PCDHA8: variants seen among roughly 807,000 people sequenced by gnomAD.
PCDHA8 encodes protocadherin alpha 8.
PCDHA8 carries 53 observed loss-of-function variants against 61.8 expected under a neutral mutation model. The ratio of observed to expected loss-of-function variants is 0.86; its 90% CI spans 0.69 to 1.08. PCDHA8 has a LOEUF of 1.08. Ranked by LOEUF, PCDHA8 falls within the 50% of genes least tolerant of loss-of-function variation. PCDHA8 has a pLI of 0.00. For missense variants in PCDHA8, 1,293 were observed against 1,245.0 expected (o/e 1.04, Z -0.58); for synonymous variants, 618 against 556.6 (o/e 1.11, Z -1.55).
At chr5:140,877,585 T>A (rs2057227188) in intron 1 of PCDHA8, 1 of 1,613,836 alleles carries the variant, frequency 6.2e-7, no homozygotes, top group Non-Finnish European at 8.5e-7. Flanking sequence ...CATCGCCATC[T>A]GTGCGGTGTC....
At chr5:140,966,838 G>A in intron 1 of PCDHA8, 1 of 1,566,774 alleles carries the variant, frequency 6.4e-7, no homozygotes, top group South Asian at 1.2e-5. Context: ...CCTGGCTGCT[G>A]CTACTGCCTC....
chr5:140,852,885 A>ATT, intron 1 of PCDHA8: 58 of 777,210 alleles, frequency 7.5e-5, no homozygotes, highest in Non-Finnish European at 8.7e-5. Flanking sequence ...CATAAAACGT[A>ATT]TTTTTTTTTT....
intron 3 of PCDHA8, among the ~76,000 whole-genome samples, chr5:140,992,572 G>T (rs1441448703): frequency 2.0e-5 from 3 of 152,148 alleles, no homozygotes; most frequent in Non-Finnish European, 4.4e-5. Flanking sequence ...AACACATATT[G>T]CCTGCCTTGT....
At chr5:140,846,148 T>A (rs1780222185) in intron 1 of PCDHA8, among the ~76,000 whole-genome samples, 1 of 149,706 alleles carries the variant, frequency 6.7e-6, no homozygotes, top group South Asian at 2.1e-4. Flanking sequence ...TATTTAAAAG[T>A]TGCCTGAGAT....
At position 140,876,499 on chromosome 5, in the gene PCDHA8, G is replaced by A. The variant is rs781995151; in HGVS notation, c.2394+32784G>A. ...CATGGTCCTGGTGGAAGTTCTGGAC[G>A]TGAATGACAATGTCCCTGAAGTAAT... On this transcript the variant is annotated intron_variant, in intron 1 of 3. Transcript: ENST00000531613. 5.0e-6 allele frequency: 8 copies of A among 1,613,910 alleles called. No homozygotes were observed. The Admixed American group carries it at 1.0e-4, about 20-fold the overall frequency.
chr5:140,939,565 A>G (rs560033193), intron 1 of PCDHA8, among the ~76,000 whole-genome samples: 24 of 152,096 alleles, frequency 1.6e-4, no homozygotes, highest in African/African-American at 5.8e-4. Flanking sequence ...TAGTTTGGTT[A>G]ATCAAAATGG....
At position 141,009,997 on chromosome 5, in the gene PCDHA8, A is replaced by C; in HGVS notation, c.*60A>C. 1 of 1,576,442 alleles carries C rather than the reference A, an allele frequency of 6.3e-7. No individual in the cohort carries two copies. The highest frequency in any genetic ancestry group is 2.2e-5 in the East Asian group (1 of 44,650). On this transcript the variant is annotated 3_prime_UTR_variant, in exon 4 of 4. Transcript: ENST00000531613. ...TTTGTAATAATGGCAAATCTCTCCC[A>C]TGTAGCAATTCCCTGCTCCTTTTTC...
intron 1 of PCDHA8, among the ~76,000 whole-genome samples, chr5:140,906,181 T>C (rs944915696): frequency 6.6e-6 from 1 of 152,170 alleles, no homozygotes. Flanking sequence ...CTTTGCATCC[T>C]TCAATCCAAT....
At position 140,971,319 on chromosome 5, in the gene PCDHA8, A is replaced by C. The variant is rs568701560; in HGVS notation, c.2395-7630A>C. ...TGGTACACAAACATTTAATCTAGGG[A>C]GAAAATTATTTCAGAAAGTGCTTGC... is the stretch of plus-strand genomic sequence containing the variant. On this transcript the variant is annotated intron_variant, in intron 1 of 3. Transcript: ENST00000531613. Among the ~76,000 whole-genome samples the C allele has an allele frequency of 2.1e-4, 32 of 152,346 alleles. 1 individual carries two copies. Among genetic ancestry groups the C allele is most frequent in the Admixed American group, 2.0e-3 (31 of 15,306 alleles).
At chr5:140,872,392 T>C (rs2053635930) in intron 1 of PCDHA8, among the ~76,000 whole-genome samples, 1 of 152,152 alleles carries the variant, frequency 6.6e-6, no homozygotes, top group African/African-American at 2.4e-5. Flanking sequence ...TTTGGGAGGC[T>C]GAGGCAGGAG....
chr5:140,978,967 G>C lies in PCDHA8; in HGVS notation c.2413G>C (p.Asp805His), dbSNP rs782109224. 1.9e-6 allele frequency: 3 copies of C among 1,614,038 alleles called. No homozygotes were observed. The highest frequency in any genetic ancestry group is 1.1e-5 in the South Asian group (1 of 91,066). The stretch of plus-strand genomic sequence containing the variant: ...TTTGCAGCCACGACAGCCCAACCCT[G>C]ACTGGCGTTACTCTGCCTCCCTGAG... ...HGLKPRQPNPDWRYSASLRAG... is the reference protein window; with the variant it reads ...HGLKPRQPNPHWRYSASLRAG... The change falls in exon 2 of 4, where the codon GAC (aspartate) becomes CAC (histidine). Residue 805 changes from aspartate to histidine, a missense_variant. Asp to His is a moderately conservative substitution (Grantham distance 81). Coordinates refer to ENST00000531613, the MANE Select transcript of PCDHA8 (RefSeq NM_018911.3).
At chr5:140,979,102 C>G in intron 2 of PCDHA8, 95 bp downstream of exon 2, 1 of 1,541,802 alleles carries the variant, frequency 6.5e-7, no homozygotes. Context: ...GCTGTCAAAA[C>G]TAAAAAGCTT....
At chr5:140,940,994 G>A (rs1375374431) in intron 1 of PCDHA8, among the ~76,000 whole-genome samples, 1 of 152,094 alleles carries the variant, frequency 6.6e-6, no homozygotes, top group Non-Finnish European at 1.5e-5. Context: ...AAGTTTATAG[G>A]ATTAAATTTT....
At chr5:140,922,386 T>G (rs1554200798) in intron 1 of PCDHA8, among the ~76,000 whole-genome samples, 1 of 152,194 alleles carries the variant, frequency 6.6e-6, no homozygotes, top group African/African-American at 2.4e-5. Context: ...AACCAAAGAC[T>G]CCTTGTTTTG....
chr5:140,945,534 TACAA>T (rs1326981055), intron 1 of PCDHA8, among the ~76,000 whole-genome samples: 1 of 151,454 alleles, frequency 6.6e-6, no homozygotes, highest in African/African-American at 2.4e-5. Flanking sequence ...AAACAAAACA[TACAA>T]ACAAAAAAAT....
intron 1 of PCDHA8, chr5:140,928,289 G>C (rs1554205708): frequency 6.2e-7 from 1 of 1,614,170 alleles, no homozygotes; most frequent in Non-Finnish European, 8.5e-7. Flanking sequence ...TCTCTAGGCC[G>C]AGTGTTTGCC....
intron 1 of PCDHA8, chr5:140,967,360 G>T: frequency 6.2e-7 from 1 of 1,607,656 alleles, no homozygotes. Flanking sequence ...TGGACCTTAA[G>T]CCCCTGCAGG....
chr5:140,914,944 CTTTTTT>C (rs35695909), intron 1 of PCDHA8, among the ~76,000 whole-genome samples: 1 of 128,266 alleles, frequency 7.8e-6, no homozygotes, highest in Non-Finnish European at 1.7e-5. Flanking sequence ...GAAAAGTTGT[CTTTTTT>C]TTTTTTTTTT....
chr5:141,000,782 C>T (rs149032263), intron 3 of PCDHA8, among the ~76,000 whole-genome samples: 174 of 152,002 alleles, frequency 1.1e-3, no homozygotes, highest in African/African-American at 3.9e-3. Flanking sequence ...TGGCGCACAC[C>T]TGTATTCCTA....
Sources: gnomAD v4.1 joint callset for allele counts (sites outside exome capture counted in the v4.1 genomes callset) on GRCh38, gnomAD v4.1.1 for gene constraint, MANE v1.5 for transcripts, NCBI Gene and HGNC (gene_info 2026-07-23, HGNC 2026-07-21) for gene names.